Variants in FER1L6 observed in about 807,000 individuals in gnomAD.
The protein encoded by FER1L6 is fer-1 like family member 6.
Under a neutral mutation model 219.2 loss-of-function variants are expected in FER1L6, and 177 were observed. The ratio of observed to expected loss-of-function variants is 0.81; its 90% confidence interval spans 0.71 to 0.91. The LOEUF is 0.91. FER1L6 is among the 40% of genes least tolerant of loss of function. The pLI is 0.00. For synonymous variants in FER1L6, 768 were observed against 824.3 expected (o/e 0.93, Z 1.17); for missense variants, 2,153 against 2,259.9 (o/e 0.95, Z 0.96).
intron 1 of FER1L6, among the ~76,000 whole-genome samples, chr8:123,863,936 C>T (rs201298663): frequency 7.3e-5 from 11 of 150,378 alleles, no homozygotes; most frequent in Non-Finnish European, 1.5e-4. Context: ...CTTTATCCAA[C>T]TTGCCAGTCT....
chr8:124,060,767 G>A, intron 24 of FER1L6, 58 bp downstream of exon 24: 5 of 1,555,368 alleles, frequency 3.2e-6, no homozygotes, highest in East Asian at 2.3e-5. Flanking sequence ...CAGATGAGAT[G>A]TTTTAGGGTT....
intron 2 of FER1L6, among the ~76,000 whole-genome samples, chr8:123,962,246 A>G (rs1815322287): frequency 6.6e-6 from 1 of 152,124 alleles, no homozygotes. Flanking sequence ...GTCTAATTAA[A>G]GCTGTAGTTA....
intron 2 of FER1L6, among the ~76,000 whole-genome samples, chr8:123,961,847 G>C (rs1166586684): frequency 6.6e-6 from 1 of 150,434 alleles, no homozygotes; most frequent in Non-Finnish European, 1.5e-5. Flanking sequence ...GCCAGAACGA[G>C]TCTATGGTCT....
At chr8:124,018,813 C>A (rs1415852973) in intron 16 of FER1L6, among the ~76,000 whole-genome samples, 1 of 152,190 alleles carries the variant, frequency 6.6e-6, no homozygotes, top group Non-Finnish European at 1.5e-5. Context: ...TTGGCACTGC[C>A]AGCTAGACTT....
intron 32 of FER1L6, among the ~76,000 whole-genome samples, chr8:124,079,704 A>C (rs1044091761): frequency 1.3e-5 from 2 of 152,226 alleles, no homozygotes; most frequent in African/African-American, 4.8e-5. Flanking sequence ...AATACAAAAA[A>C]AGAAAAATCA....
chr8:123,971,423 T>G (rs1030800465), intron 6 of FER1L6, among the ~76,000 whole-genome samples: 6 of 152,202 alleles, frequency 3.9e-5, no homozygotes, highest in African/African-American at 1.4e-4. Flanking sequence ...CATCTGTTTA[T>G]GGAATCAGCT....
intron 2 of FER1L6, among the ~76,000 whole-genome samples, chr8:123,963,007 A>T (rs753034788): frequency 6.6e-6 from 1 of 152,208 alleles, no homozygotes; most frequent in East Asian, 1.9e-4. Context: ...TTTAGTTTAC[A>T]CTTTAGATTC....
intron 1 of FER1L6, among the ~76,000 whole-genome samples, chr8:123,905,131 G>T (rs987496070): frequency 2.0e-5 from 3 of 152,048 alleles, no homozygotes; most frequent in Non-Finnish European, 2.9e-5. Flanking sequence ...AGACGTGCAG[G>T]TTTGTTACAC....
At chr8:124,053,838 AG>A (rs1820157660) in intron 22 of FER1L6, among the ~76,000 whole-genome samples, 2 of 152,190 alleles carry the variant, frequency 1.3e-5, no homozygotes, top group African/African-American at 4.8e-5. Context: ...CAGCCTGGGC[AG>A]GAGAGCAAGA....
rs764716444 is a variant in FER1L6 at position 123,980,515 on chromosome 8, AG to A, written c.1116del (p.Asn373ThrfsTer4). 1 of 1,614,110 alleles carries A rather than the reference AG, an allele frequency of 6.2e-7. No individual in the cohort carries two copies. Among genetic ancestry groups the A allele is most frequent in the South Asian group, 1.1e-5 (1 of 91,070 alleles). On this transcript the variant is annotated frameshift_variant, in exon 11 of 41. Coordinates refer to ENST00000522917, the MANE Select transcript of FER1L6 (RefSeq NM_001039112.2). LOFTEE classifies it high-confidence loss of function. ...CTGGATTAACCTGTATGGCTCGCCCAGGAACCACAGTCTGATGGATGACTAC... is the reference window on the plus strand; with the variant it reads ...CTGGATTAACCTGTATGGCTCGCCCAGAACCACAGTCTGATGGATGACTAC... ...PAWINLYGSP[R>X]NHSLMDDYQE...
intron 1 of FER1L6, among the ~76,000 whole-genome samples, chr8:123,924,547 AT>A (rs1442825335): frequency 3.6e-4 from 46 of 127,032 alleles, no homozygotes; most frequent in African/African-American, 1.5e-3. Context: ...AAAAAAAAAA[AT>A]AAATAAATAA....
At chr8:123,874,580 C>T (rs145819070) in intron 1 of FER1L6, among the ~76,000 whole-genome samples, 102 of 152,338 alleles carry the variant, frequency 6.7e-4, no homozygotes, top group African/African-American at 2.4e-3. Flanking sequence ...TCTACTGATA[C>T]AACTCCCAAT....
At chr8:124,107,923 G>C (rs561723082) in intron 39 of FER1L6, among the ~76,000 whole-genome samples, 31 of 152,270 alleles carry the variant, frequency 2.0e-4, no homozygotes, top group African/African-American at 7.0e-4. Flanking sequence ...TCCCACAGAG[G>C]ATTTCCGTGC....
intron 13 of FER1L6, among the ~76,000 whole-genome samples, chr8:124,008,545 T>C (rs1817771938): frequency 6.6e-6 from 1 of 152,144 alleles, no homozygotes; most frequent in Admixed American, 6.5e-5. Flanking sequence ...GAAGATAACA[T>C]CAGAAAAACC....
At chr8:123,937,218 A>C (rs1586487579) in intron 1 of FER1L6, among the ~76,000 whole-genome samples, 1 of 152,238 alleles carries the variant, frequency 6.6e-6, no homozygotes, top group Admixed American at 6.5e-5. Context: ...GTTAAAGAAC[A>C]CTTAATAATG....
At chr8:123,892,475 T>G (rs944513068) in intron 1 of FER1L6, among the ~76,000 whole-genome samples, 2 of 152,082 alleles carry the variant, frequency 1.3e-5, no homozygotes, top group African/African-American at 4.8e-5. Flanking sequence ...GTATTTTTAG[T>G]AGACATGGGG....
At chr8:123,903,424 G>A (rs77811676) in intron 1 of FER1L6, among the ~76,000 whole-genome samples, 2,752 of 152,252 alleles carry the variant, frequency 0.018, 73 homozygotes, top group African/African-American at 0.062. Context: ...TTGGCTGAAG[G>A]TTCACTTGAT....
Position 123,973,526 on chromosome 8 carries a change from A to G in FER1L6, c.526+14A>G. ...ACAACCAACCTGGTAAGAAAACATC[A>G]CCTCCCCATCTGTATCTCACTTGTC... On this transcript the variant is annotated intron_variant, in intron 7 of 40. Transcript: ENST00000522917. 3 of 1,597,398 alleles carry G rather than the reference A, an allele frequency of 1.9e-6. No homozygotes were observed. The highest frequency in any genetic ancestry group is 2.6e-6 in the Non-Finnish European group (3 of 1,165,266).
At chr8:124,112,793 G>A (rs1310836247) in intron 39 of FER1L6, among the ~76,000 whole-genome samples, 1 of 152,144 alleles carries the variant, frequency 6.6e-6, no homozygotes, top group Non-Finnish European at 1.5e-5. Context: ...AGCTGGGGAT[G>A]GTGGTAGATA....
Sources: allele counts gnomAD v4.1 joint callset (sites outside exome capture counted in the v4.1 genomes callset), GRCh38; gene constraint gnomAD v4.1.1; transcripts MANE v1.5; gene names NCBI Gene and HGNC (gene_info 2026-07-23, HGNC 2026-07-21).